The following MRPL30 variants were observed in gnomAD, a reference collection of about 807,000 sequenced individuals.
The protein encoded by MRPL30 is mitochondrial ribosomal protein L30, also known as large ribosomal subunit protein uL30m.
A neutral mutation model predicts 17.2 loss-of-function variants in MRPL30; 10 were observed. The observed-to-expected ratio is 0.58, with a 90% CI of 0.36 to 0.99. The LOEUF is 0.99. Ranked by LOEUF, MRPL30 falls within the 50% of genes least tolerant of loss-of-function variation. The pLI, the probability that MRPL30 is intolerant of heterozygous loss-of-function variation, is 0.01. For missense variants in MRPL30, 170 were observed against 189.8 expected (o/e 0.90, Z 0.61); for synonymous variants, 61 against 62.1 (o/e 0.98, Z 0.08).
intron 2 of MRPL30, among the ~76,000 whole-genome samples, chr2:99,187,312 G>C (rs1347580761): frequency 6.6e-6 from 1 of 152,214 alleles, no homozygotes; most frequent in Non-Finnish European, 1.5e-5. Flanking sequence ...TGAGAGAAAT[G>C]GGATTGGAGG....
intron 1 of MRPL30, among the ~76,000 whole-genome samples, chr2:99,185,265 G>C (rs1050232702): frequency 1.3e-5 from 2 of 152,170 alleles, no homozygotes; most frequent in African/African-American, 4.8e-5. Context: ...TCCAGTGTCA[G>C]AAAGGTTGGG....
chr2:99,191,111 A>G (rs905375411), intron 3 of MRPL30, among the ~76,000 whole-genome samples: 1 of 151,270 alleles, frequency 6.6e-6, no homozygotes, highest in African/African-American at 2.4e-5. Context: ...GGTTCAAGCA[A>G]TTCTCCTGCC....
Position 99,198,324 on chromosome 2 carries a change from T to C in MRPL30, c.*2619T>C, listed in dbSNP as rs763674387. 1.2e-4 allele frequency among the ~76,000 whole-genome samples: 19 copies of C among 152,166 alleles called. No individual in the cohort carries two copies. The highest frequency in any genetic ancestry group is 2.2e-4 in the Non-Finnish European group (15 of 68,022). On this transcript the variant is annotated 3_prime_UTR_variant, in exon 6 of 6. Transcript: ENST00000338148. ...GTCTGGCCAGGTGCTCATTGTAGCT[T>C]TGACAGGGAAGGGATCTGCTCCCAA...
rs939221296 is a variant in MRPL30 at position 99,199,363 on chromosome 2, A to G, written c.*3658A>G. On this transcript the variant is annotated 3_prime_UTR_variant, in exon 6 of 6. Coordinates refer to ENST00000338148, the MANE Select transcript of MRPL30 (RefSeq NM_145212.4). Reference sequence around the variant, plus strand: ...AATTAATTAATAAGGAATCCTTGGAACACTGGAAATTCTAAAATAAGAGTC... The same window carrying G: ...AATTAATTAATAAGGAATCCTTGGAGCACTGGAAATTCTAAAATAAGAGTC... Among the ~76,000 whole-genome samples, 3 of 152,218 alleles carry G rather than the reference A, an allele frequency of 2.0e-5. No individual in the cohort carries two copies. The highest frequency in any genetic ancestry group is 4.8e-5 in the African/African-American group (2 of 41,466).
chr2:99,195,161 A>G lies in MRPL30; in HGVS notation c.325A>G (p.Lys109Glu), dbSNP rs2093953060. ...CAAGAATATCCCTTCAGTGAATGCAAAATTGAAAGTAGTTAAGCATTTGAT... is the reference window on the plus strand; with the variant it reads ...CAAGAATATCCCTTCAGTGAATGCAGAATTGAAAGTAGTTAAGCATTTGAT... ...VHKNIPSVNAKLKVVKHLIRI... is the reference protein window; with the variant it reads ...VHKNIPSVNAELKVVKHLIRI... The change falls in exon 5 of 6, where the codon AAA becomes GAA. Residue 109 changes from lysine (K) to glutamate (E), a missense_variant. Physicochemically the swap from Lys to Glu is moderately conservative, Grantham distance 56 (BLOSUM62 1). Transcript: ENST00000338148. 1.2e-6 allele frequency: 2 copies of G among 1,608,424 alleles called. No homozygotes were observed. The highest frequency in any genetic ancestry group is 1.7e-6 in the Non-Finnish European group (2 of 1,178,058).
chr2:99,195,622 T>A lies in MRPL30; in HGVS notation c.403T>A (p.Ser135Thr). ...AGGACTTCCAGCAGAGGAGAACATGTCTAACACGTGCCTCAAAAGCACTGG... is the reference window on the plus strand; with the variant it reads ...AGGACTTCCAGCAGAGGAGAACATGACTAACACGTGCCTCAAAAGCACTGG... ...PQGLPAEENM[S>T]NTCLKSTGEL... Residue 135 changes from serine to threonine, a missense_variant, in exon 6 of 6, where the codon TCT becomes ACT. Coordinates refer to ENST00000338148, the MANE Select transcript of MRPL30 (RefSeq NM_145212.4). 1 of 1,613,460 alleles carries A rather than the reference T, an allele frequency of 6.2e-7. No homozygotes were observed. Among genetic ancestry groups the A allele is most frequent in the Non-Finnish European group, 8.5e-7 (1 of 1,179,878 alleles).
rs1007935909 is a variant in MRPL30, at chr2:99,198,235, G to T, written c.*2530G>T. On this transcript the variant is annotated 3_prime_UTR_variant, in exon 6 of 6. Transcript: ENST00000338148. ...CACTTATTGTCTCACAATGTTTGTG[G>T]GTCGGAAGTCTAGGCGTGGCTTAGC... 1.3e-5 allele frequency among the ~76,000 whole-genome samples: 2 copies of T among 152,186 alleles called. No homozygotes were observed. Among genetic ancestry groups the T allele is most frequent in the Non-Finnish European group, 2.9e-5 (2 of 68,042 alleles).
intron 3 of MRPL30, among the ~76,000 whole-genome samples, chr2:99,190,054 G>A (rs2093941983): frequency 6.6e-6 from 1 of 151,710 alleles, no homozygotes; most frequent in South Asian, 2.1e-4. Flanking sequence ...AATCTCAAGA[G>A]GTTAAGGCTG....
chr2:99,191,109 C>T (rs1473768873), intron 3 of MRPL30, among the ~76,000 whole-genome samples: 3 of 151,630 alleles, frequency 2.0e-5, no homozygotes, highest in Admixed American at 6.6e-5. Flanking sequence ...CGGGTTCAAG[C>T]AATTCTCCTG....
chr2:99,191,455 G>C (rs1449881804), intron 3 of MRPL30, among the ~76,000 whole-genome samples: 1 of 152,014 alleles, frequency 6.6e-6, no homozygotes, highest in African/African-American at 2.4e-5. Context: ...TAAAAAAGAG[G>C]GTGCGTCTCT....
chr2:99,181,414 A>G (rs937857022), intron 1 of MRPL30, among the ~76,000 whole-genome samples, 165 bp downstream of exon 1: 4 of 152,180 alleles, frequency 2.6e-5, no homozygotes, highest in African/African-American at 7.2e-5. Context: ...CCGTAAGGCC[A>G]TTGGCCTGCA....
intron 1 of MRPL30, among the ~76,000 whole-genome samples, chr2:99,182,312 T>G (rs2093925307): frequency 6.6e-6 from 1 of 152,198 alleles, no homozygotes; most frequent in Admixed American, 6.5e-5. Context: ...TCTCAGCACT[T>G]TCGGAGGCCG....
At chr2:99,192,326 G>C (rs184387820) in intron 3 of MRPL30, among the ~76,000 whole-genome samples, 1 of 152,076 alleles carries the variant, frequency 6.6e-6, no homozygotes, top group East Asian at 1.9e-4. Context: ...TTGTCACATA[G>C]GTATATATGT....
chr2:99,182,415 C>T (rs868658948), intron 1 of MRPL30, among the ~76,000 whole-genome samples: 5 of 152,174 alleles, frequency 3.3e-5, no homozygotes, highest in Non-Finnish European at 7.3e-5. Context: ...ATTAGCCGGG[C>T]GTCCGGGCGG....
intron 1 of MRPL30, among the ~76,000 whole-genome samples, chr2:99,185,972 A>T (rs1225132438): frequency 1.3e-5 from 2 of 152,256 alleles, no homozygotes. Flanking sequence ...TGAAAGTGGG[A>T]TGTGGCTAAT....
chr2:99,195,879 C>G lies in MRPL30; in HGVS notation c.*174C>G, dbSNP rs556758663. 4.1e-6 allele frequency: 3 copies of G among 728,716 alleles called. No homozygotes were observed. Among genetic ancestry groups the G allele is most frequent in the Non-Finnish European group, 6.2e-6 (3 of 483,660 alleles). The allele number at this position is 728,716 out of a possible 1,614,324, so 45.1% of individuals were successfully genotyped here. On this transcript the variant is annotated 3_prime_UTR_variant, in exon 6 of 6. Transcript: ENST00000338148. ...GGCAGATCACCTGAGGTCAAGAGTT[C>G]GAGACCAGCCTGACCAACATGGAGA...
intron 1 of MRPL30, among the ~76,000 whole-genome samples, chr2:99,183,123 GGTCA>G (rs1452352235): frequency 6.6e-6 from 1 of 152,010 alleles, no homozygotes; most frequent in Non-Finnish European, 1.5e-5. Context: ...GAGAGGGAAT[GGTCA>G]GTCAAAGGGA....
rs1443928871 is a variant in MRPL30, at chr2:99,199,485, A to AT, written c.*3786dup. Among the ~76,000 whole-genome samples the AT allele has an allele frequency of 6.6e-6, 1 of 152,200 alleles. No homozygotes were observed. The highest frequency in any genetic ancestry group is 1.5e-5 in the Non-Finnish European group (1 of 68,028). Reference sequence around the variant, plus strand: ...ATGTCTTTGGATATTATTTCTGTTTATTTTTTGCCTCAAAATTATTAAATG... The same window carrying AT: ...ATGTCTTTGGATATTATTTCTGTTTATTTTTTTGCCTCAAAATTATTAAATG... On this transcript the variant is annotated 3_prime_UTR_variant, in exon 6 of 6. Coordinates refer to ENST00000338148, the MANE Select transcript of MRPL30 (RefSeq NM_145212.4).
Position 99,188,245 on chromosome 2 carries a change from A to T in MRPL30, c.120A>T (p.Arg40Ser). Reference sequence around the variant, plus strand: ...TTCGTCACAAATTCACCAGATCAAGAATTCCAGAAAAAGTAAGAACAAAGT... The same window carrying T: ...TTCGTCACAAATTCACCAGATCAAGTATTCCAGAAAAAGTAAGAACAAAGT... Reference protein sequence around the residue: ...DWIRHKFTRSRIPEKVFQASP... With the variant: ...DWIRHKFTRSSIPEKVFQASP... The change falls in exon 3 of 6, where the codon AGA becomes AGT. Residue 40 changes from arginine (R) to serine (S), a missense_variant. Physicochemically the swap from Arg to Ser is moderately radical, Grantham distance 110 (BLOSUM62 -1). Transcript: ENST00000338148. 2 of 1,606,062 alleles carry T rather than the reference A, an allele frequency of 1.2e-6. No individual in the cohort carries two copies. The highest frequency in any genetic ancestry group is 1.7e-6 in the Non-Finnish European group (2 of 1,177,100).
Sources: allele counts gnomAD v4.1 joint callset (sites outside exome capture counted in the v4.1 genomes callset), GRCh38; gene constraint gnomAD v4.1.1; transcripts MANE v1.5; gene names NCBI Gene and HGNC (gene_info 2026-07-23, HGNC 2026-07-21).